The following ATPAF1 variants were observed in gnomAD, a reference collection of about 807,000 sequenced individuals.
The protein encoded by ATPAF1 is homolog of yeast ATP11.
ATPAF1 carries 26 observed loss-of-function variants against 43.9 expected under a neutral mutation model. The observed-to-expected ratio is 0.59, with a 90% confidence interval of 0.43 to 0.82. ATPAF1 has a LOEUF of 0.82. Ranked by LOEUF, ATPAF1 falls within the 40% of genes least tolerant of loss-of-function variation. The pLI, the probability that ATPAF1 is intolerant of heterozygous loss-of-function variation, is 0.00. For missense variants in ATPAF1, 366 were observed against 435.0 expected, an observed-to-expected ratio of 0.84 and a Z score of 1.41; for synonymous variants, 157 against 168.0, an observed-to-expected ratio of 0.93 and a Z score of 0.50.
chr1:46,638,695 T>A (rs1675890464), intron 8 of ATPAF1, among the ~76,000 whole-genome samples: 1 of 151,508 alleles, frequency 6.6e-6, no homozygotes, highest in Non-Finnish European at 1.5e-5. Flanking sequence ...CAGAGAGAGA[T>A]GTCTACCTCT....
intron 6 of ATPAF1, among the ~76,000 whole-genome samples, chr1:46,646,035 G>T (rs1351591385): frequency 6.6e-6 from 1 of 152,186 alleles, no homozygotes; most frequent in Non-Finnish European, 1.5e-5. Flanking sequence ...AAATAGCCAG[G>T]TGTGGTGGCA....
At chr1:46,636,128 T>G (rs918114944) in intron 8 of ATPAF1, 158 bp from the exon 9 acceptor site, 3 of 750,420 alleles carry the variant, frequency 4.0e-6, no homozygotes, top group Admixed American at 2.0e-5. Flanking sequence ...GTGCCCCTTC[T>G]CTGTGTACCA....
intron 3 of ATPAF1, 38 bp from the exon 4 acceptor site, chr1:46,658,227 A>C: frequency 2.4e-6 from 1 of 420,440 alleles, no homozygotes; most frequent in Non-Finnish European, 3.1e-6. Context: ...ACACATAATT[A>C]AAAAAAAAAA....
intron 8 of ATPAF1, 73 bp from the exon 9 acceptor site, chr1:46,636,043 G>A (rs760781569): frequency 1.9e-6 from 3 of 1,551,276 alleles, no homozygotes; most frequent in Non-Finnish European, 1.8e-6. Context: ...TTGTGTGGTG[G>A]GTGGGGGCCC....
At chr1:46,633,543 C>A (rs1164203455), downstream of ATPAF1, 3 of 370,340 alleles carry the variant, frequency 8.1e-6, no homozygotes, top group African/African-American at 2.1e-5. Context: ...TCTATAACAC[C>A]ATGCTAGCAC....
intron 4 of ATPAF1, among the ~76,000 whole-genome samples, chr1:46,656,154 G>A (rs974432215): frequency 2.0e-5 from 3 of 152,222 alleles, no homozygotes; most frequent in African/African-American, 7.2e-5. Flanking sequence ...ATGATTAGGA[G>A]TTAGAGTAGG....
Position 46,668,111 on chromosome 1 carries a change from A to C in ATPAF1, c.212T>G (p.Leu71Arg). Reference sequence around the variant, plus strand: ...GCGGTCGTAGAAAGGGTTGGCCTGGAGCTCGGCCTCGGCCCCGACCCCGCT... The same window carrying C: ...GCGGTCGTAGAAAGGGTTGGCCTGGCGCTCGGCCTCGGCCCCGACCCCGCT... Residue 71 changes from leucine to arginine, a missense_variant, in exon 1 of 9, where the codon CTC (leucine) becomes CGC (arginine). By Grantham distance (102) the Leu-to-Arg change is moderately radical. Transcript: ENST00000574428. This position sits in a 1 kb window ranked among gnomAD's most constrained non-coding sequence, Gnocchi z 4.4. The C allele has an allele frequency of 6.9e-7, 1 of 1,444,676 alleles. No individual in the cohort carries two copies. The highest frequency in any genetic ancestry group is 9.1e-7 in the Non-Finnish European group (1 of 1,096,816). 89.5% of individuals were successfully genotyped at this position (1,444,676 alleles called of 1,614,324 possible). A position where few individuals can be genotyped will look rare whatever the true frequency, so the allele number is the denominator to read the frequency against.
rs1172210178 is a variant in ATPAF1, at chr1:46,665,242, G to T, written c.375+14C>A. 6.2e-7 allele frequency: 1 copy of T among 1,610,486 alleles called. No individual in the cohort carries two copies. Among genetic ancestry groups the T allele is most frequent in the Non-Finnish European group, 8.5e-7 (1 of 1,176,616 alleles). The stretch of plus-strand genomic sequence containing the variant: ...TGCTGGTAAGCAAACACCACAAATG[G>T]GGGAAGGTCTTACCTTCTGTTCCAC... On this transcript the variant is annotated intron_variant, in intron 2 of 8. Transcript: ENST00000574428.
chr1:46,663,872 A>G (rs1244575620), intron 2 of ATPAF1: 6 of 1,269,080 alleles, frequency 4.7e-6, no homozygotes, highest in East Asian at 5.6e-5. Flanking sequence ...GGATTACTCC[A>G]TATTCTCCCT....
At chr1:46,652,552 C>T (rs773607383) in intron 6 of ATPAF1, 29 bp downstream of exon 6, 2 of 1,605,604 alleles carry the variant, frequency 1.2e-6, no homozygotes, top group Non-Finnish European at 1.7e-6. Context: ...CATTGATAAG[C>T]AACCCTTACG....
chr1:46,644,028 T>C (rs1675994056), intron 7 of ATPAF1, among the ~76,000 whole-genome samples: 1 of 152,182 alleles, frequency 6.6e-6, no homozygotes. Context: ...ATCACTAGGG[T>C]ACTTGTAATA....
chr1:46,656,572 T>C (rs1430337793), intron 4 of ATPAF1, among the ~76,000 whole-genome samples: 1 of 152,244 alleles, frequency 6.6e-6, no homozygotes, highest in Non-Finnish European at 1.5e-5. Flanking sequence ...ATTTATGATA[T>C]TAGCAGACAG....
In ATPAF1 at chr1:46,653,933, G is replaced by A; in HGVS notation, c.490-66C>T. 6.7e-7 allele frequency: 1 copy of A among 1,485,224 alleles called. No individual in the cohort carries two copies. Among genetic ancestry groups the A allele is most frequent in the Non-Finnish European group, 9.3e-7 (1 of 1,071,780 alleles). The allele number at this position is 1,485,224 out of a possible 1,614,324, so 92.0% of individuals were successfully genotyped here. A position where few individuals can be genotyped will look rare whatever the true frequency, so the allele number is the denominator to read the frequency against. ...TCTTTTCAACATGTGCCAAGAAATG[G>A]TGACAGTTTTCATTGCTCAGAGGAA... On this transcript the variant is annotated intron_variant, in intron 4 of 8. Transcript: ENST00000574428. This position sits in a 1 kb window ranked among gnomAD's most constrained non-coding sequence, Gnocchi z 4.8.
chr1:46,668,087 C>G lies in ATPAF1; in HGVS notation c.236G>C (p.Arg79Pro). Residue 79 changes from arginine to proline, a missense_variant, in exon 1 of 9, where the codon CGC (arginine) becomes CCC (proline). By Grantham distance (103) the Arg-to-Pro change is moderately radical. Coordinates refer to ENST00000574428, the Ensembl canonical transcript of ATPAF1. This position sits in a 1 kb window ranked among gnomAD's most constrained non-coding sequence, Gnocchi z 4.4. ...CAGCAGCTGGATCTTGTCGCGGTAG[C>G]GGTCGTAGAAAGGGTTGGCCTGGAG... The G allele has an allele frequency of 6.9e-7, 1 of 1,450,700 alleles. No individual in the cohort carries two copies. The highest frequency in any genetic ancestry group is 9.1e-7 in the Non-Finnish European group (1 of 1,099,306). The allele number at this position is 1,450,700 out of a possible 1,614,324, so 89.9% of individuals were successfully genotyped here. A position where few individuals can be genotyped will look rare whatever the true frequency, so the allele number is the denominator to read the frequency against.
chr1:46,638,393 C>T (rs888852698), intron 8 of ATPAF1, among the ~76,000 whole-genome samples: 1 of 152,042 alleles, frequency 6.6e-6, no homozygotes, highest in Admixed American at 6.6e-5. Context: ...CCGAGGTGGG[C>T]GGATCATGAG....
chr1:46,638,384 C>T (rs1028523257), intron 8 of ATPAF1, among the ~76,000 whole-genome samples: 1 of 152,036 alleles, frequency 6.6e-6, no homozygotes, highest in Non-Finnish European at 1.5e-5. Flanking sequence ...TTTGGGAGGC[C>T]GAGGTGGGCG....
chr1:46,633,736 C>T (rs963639079), downstream of ATPAF1: 14 of 456,148 alleles, frequency 3.1e-5, no homozygotes, highest in African/African-American at 2.0e-4. Context: ...ATGATTAAAA[C>T]GAATGGCCAC....
At chr1:46,646,464 C>T (rs1312110626) in intron 6 of ATPAF1, among the ~76,000 whole-genome samples, 1 of 152,186 alleles carries the variant, frequency 6.6e-6, no homozygotes, top group Non-Finnish European at 1.5e-5. Flanking sequence ...CCAGACTAAA[C>T]ACCAAAAAAT....
Position 46,658,125 on chromosome 1 carries a change from A to G in ATPAF1, c.489+2T>C. The G allele has an allele frequency of 1.2e-6, 2 of 1,610,754 alleles. No homozygotes were observed. Among genetic ancestry groups the G allele is most frequent in the South Asian group, 1.1e-5 (1 of 90,252 alleles). ...GTAGGCCAGCCCATTTCCATTCATT[A>G]CCTGTTTTATTTCTTCTGCAGTTTT... On this transcript the variant is annotated splice_donor_variant, in intron 4 of 8. Transcript: ENST00000574428. LOFTEE classifies it high-confidence loss of function.
Sources: gnomAD v4.1 joint callset for allele counts (sites outside exome capture counted in the v4.1 genomes callset) on GRCh38, gnomAD v4.1.1 for gene constraint, Gnocchi (gnomAD v3.1) non-coding constraint, MANE v1.5 for transcripts, NCBI Gene and HGNC (gene_info 2026-07-23, HGNC 2026-07-21) for gene names.